The following GRID1 variants were observed in gnomAD, a reference collection of about 807,000 sequenced individuals.
GRID1 encodes the protein glutamate ionotropic receptor delta type subunit 1.
In GRID1, 28 loss-of-function variants were observed where a neutral mutation model predicts 98.0. That is an observed-to-expected ratio of 0.29 (90% CI 0.21 to 0.39). The LOEUF (loss-of-function observed/expected upper bound fraction) is 0.39. Ranked by LOEUF, GRID1 falls within the 10% of genes least tolerant of loss-of-function variation. GRID1 has a pLI of 1.00. For missense variants in GRID1, 1,111 were observed against 1,340.5 expected (o/e 0.83, Z 2.67); for synonymous variants, 553 against 538.5 (o/e 1.03, Z -0.37).
chr10:86,262,458 C>T (rs533096527), intron 2 of GRID1, among the ~76,000 whole-genome samples: 1 of 152,310 alleles, frequency 6.6e-6, no homozygotes, highest in South Asian at 2.1e-4. Context: ...AGGGTCTAGG[C>T]CCAGCCGGAC....
intron 4 of GRID1, among the ~76,000 whole-genome samples, chr10:85,927,510 T>TAAAAA (rs60653864): frequency 3.2e-4 from 47 of 146,398 alleles, no homozygotes; most frequent in African/African-American, 8.3e-4. Flanking sequence ...AAGTTTCTTG[T>TAAAAA]AAAAAAAAAA....
chr10:85,770,165 T>A (rs979665930), intron 8 of GRID1, among the ~76,000 whole-genome samples: 7 of 152,196 alleles, frequency 4.6e-5, no homozygotes, highest in Non-Finnish European at 7.3e-5. Context: ...CATTCGCGGT[T>A]CACGAAAATC....
intron 4 of GRID1, among the ~76,000 whole-genome samples, chr10:85,970,673 C>A (rs1442861726): frequency 5.9e-5 from 9 of 151,990 alleles, no homozygotes; most frequent in African/African-American, 2.2e-4. Flanking sequence ...TAGAAGAAAA[C>A]TCCTTCAACC....
At chr10:85,909,244 C>A (rs562404593) in intron 5 of GRID1, among the ~76,000 whole-genome samples, 11 of 152,064 alleles carry the variant, frequency 7.2e-5, no homozygotes, top group African/African-American at 2.4e-4. Context: ...CAGTGAGGAC[C>A]ATTACACACC....
intron 3 of GRID1, among the ~76,000 whole-genome samples, chr10:86,190,454 G>A (rs1845785748): frequency 6.6e-6 from 1 of 152,232 alleles, no homozygotes; most frequent in South Asian, 2.1e-4. Context: ...TGGTGTCAGG[G>A]AGGGGCTGGG....
At chr10:86,145,178 C>T (rs1384038753) in intron 3 of GRID1, among the ~76,000 whole-genome samples, 1 of 152,194 alleles carries the variant, frequency 6.6e-6, no homozygotes. Context: ...CATTATTGTG[C>T]ACAAAATAGA....
intron 8 of GRID1, among the ~76,000 whole-genome samples, chr10:85,837,096 C>T (rs532222460): frequency 7.9e-4 from 121 of 152,298 alleles, no homozygotes; most frequent in Admixed American, 6.5e-3. Context: ...CCACCCCCAC[C>T]ACCGACTGTC....
intron 8 of GRID1, among the ~76,000 whole-genome samples, chr10:85,772,886 C>T (rs1441984996): frequency 6.6e-6 from 1 of 152,126 alleles, no homozygotes. Flanking sequence ...CCGAATTCTA[C>T]CACAGGTACA....
At chr10:85,930,456 C>G (rs116585887) in intron 4 of GRID1, among the ~76,000 whole-genome samples, 2,399 of 151,706 alleles carry the variant, frequency 0.016, 71 homozygotes, top group African/African-American at 0.055. Flanking sequence ...ACAAAATAAG[C>G]TTTCCATTTC....
At chr10:86,284,634 C>A (rs1189508514) in intron 2 of GRID1, among the ~76,000 whole-genome samples, 1 of 152,188 alleles carries the variant, frequency 6.6e-6, no homozygotes. Flanking sequence ...GAGCAGACCC[C>A]AAAGCAGCGA....
intron 3 of GRID1, among the ~76,000 whole-genome samples, chr10:86,149,059 C>T (rs976120672): frequency 7.2e-5 from 11 of 152,220 alleles, no homozygotes; most frequent in Non-Finnish European, 1.2e-4. Context: ...GCACAGGGAA[C>T]GCCCCCAAAA....
chr10:85,947,377 GA>G (rs1448113026), intron 4 of GRID1, among the ~76,000 whole-genome samples: 3 of 152,132 alleles, frequency 2.0e-5, no homozygotes, highest in African/African-American at 7.2e-5. Context: ...ACACATCTTT[GA>G]ACTGTTTTTC....
intron 8 of GRID1, among the ~76,000 whole-genome samples, chr10:85,789,362 G>A (rs1231009487): frequency 6.6e-6 from 1 of 152,174 alleles, no homozygotes; most frequent in Non-Finnish European, 1.5e-5. Context: ...AGCAGCCGCA[G>A]TGTGGAGAGG....
At chr10:85,680,479 T>C (rs1841196091) in intron 12 of GRID1, among the ~76,000 whole-genome samples, 1 of 152,194 alleles carries the variant, frequency 6.6e-6, no homozygotes, top group East Asian at 1.9e-4. Flanking sequence ...AAATAGCAGA[T>C]GCTGGTAAGG....
intron 12 of GRID1, among the ~76,000 whole-genome samples, chr10:85,670,184 G>A (rs909230894): frequency 2.0e-5 from 3 of 152,266 alleles, no homozygotes; most frequent in African/African-American, 7.2e-5. Flanking sequence ...AGACTGAAAA[G>A]CCCTTTAAAG....
intron 2 of GRID1, among the ~76,000 whole-genome samples, chr10:86,339,645 C>G (rs117980838): frequency 0.035 from 5,395 of 152,300 alleles, 154 homozygotes; most frequent in Non-Finnish European, 0.053. Flanking sequence ...TTCTGAGGAA[C>G]CCACGACAGC....
intron 8 of GRID1, among the ~76,000 whole-genome samples, chr10:85,804,788 C>G (rs1564595757): frequency 6.6e-6 from 1 of 151,696 alleles, no homozygotes; most frequent in African/African-American, 2.4e-5. Flanking sequence ...ATGGTAAATG[C>G]CTCAGCAACA....
At chr10:85,743,496 T>TA (rs1049153318) in intron 8 of GRID1, among the ~76,000 whole-genome samples, 2 of 151,982 alleles carry the variant, frequency 1.3e-5, no homozygotes, top group African/African-American at 2.4e-5. Context: ...AGTGTTACAA[T>TA]AAAAAAATAT....
intron 15 of GRID1, among the ~76,000 whole-genome samples, chr10:85,609,507 A>C (rs17105725): frequency 0.13 from 20,028 of 152,282 alleles, 1,466 homozygotes; most frequent in African/African-American, 0.19. Context: ...TGAAGAAGAC[A>C]TCAAAGGAGT....
Sources: allele counts gnomAD v4.1 joint callset (sites outside exome capture counted in the v4.1 genomes callset), GRCh38; gene constraint gnomAD v4.1.1; transcripts MANE v1.5; gene names NCBI Gene and HGNC (gene_info 2026-07-23, HGNC 2026-07-21).